Variants in ELAVL4 observed in about 807,000 individuals in gnomAD.
ELAVL4 encodes the protein ELAV-like protein 4.
Under a neutral mutation model 35.6 loss-of-function variants are expected in ELAVL4, and 1 was observed. That is an observed-to-expected ratio of 0.03 (90% CI 0.01 to 0.13). The LOEUF (loss-of-function observed/expected upper bound fraction) is 0.13, where lower values mean the gene tolerates loss of function less well. Among genes scored for constraint, ELAVL4 ranks in the 10% least tolerant of loss-of-function variants. The probability of loss-of-function intolerance (pLI) is 1.00; values close to 1 mark genes in which losing one functional copy is unlikely to be tolerated. For synonymous variants in ELAVL4, 156 were observed against 171.0 expected, an observed-to-expected ratio of 0.91 and a Z score of 0.69; for missense variants, 267 against 464.9, an observed-to-expected ratio of 0.57 and a Z score of 3.91.
intron 3 of ELAVL4, among the ~76,000 whole-genome samples, chr1:50,187,850 CTT>C (rs1241172297): frequency 6.6e-6 from 1 of 152,114 alleles, no homozygotes; most frequent in African/African-American, 2.4e-5. Context: ...AATCCCAGCA[CTT>C]TGAGAGGCTG....
At chr1:50,121,610 T>G (rs1019899373) in intron 1 of ELAVL4, among the ~76,000 whole-genome samples, 2 of 152,042 alleles carry the variant, frequency 1.3e-5, no homozygotes, top group Non-Finnish European at 2.9e-5. Flanking sequence ...CAGAAAAGTT[T>G]GAGAAATACT....
At chr1:50,110,409 C>T (rs1024865592) in intron 1 of ELAVL4, among the ~76,000 whole-genome samples, 1 of 152,100 alleles carries the variant, frequency 6.6e-6, no homozygotes. Flanking sequence ...AGATTCAGTA[C>T]CAGCCGATGC....
intron 1 of ELAVL4, among the ~76,000 whole-genome samples, chr1:50,087,432 A>G (rs2148502016): frequency 6.6e-6 from 1 of 152,326 alleles, no homozygotes; most frequent in Non-Finnish European, 1.5e-5. Flanking sequence ...GGCTATGTAC[A>G]ACAGACTATG....
intron 3 of ELAVL4, among the ~76,000 whole-genome samples, chr1:50,179,191 A>G (rs1680624942): frequency 6.6e-6 from 1 of 151,644 alleles, no homozygotes; most frequent in Non-Finnish European, 1.5e-5. Context: ...ACCCTGTATC[A>G]AAACGCTGCC....
At chr1:50,166,677 A>G (rs1239680507) in intron 2 of ELAVL4, among the ~76,000 whole-genome samples, 1 of 152,092 alleles carries the variant, frequency 6.6e-6, no homozygotes, top group African/African-American at 2.4e-5. Context: ...GTAGCTTCCC[A>G]TTGACCTTAA....
chr1:50,060,112 G>A (rs2148476289), intron 1 of ELAVL4, among the ~76,000 whole-genome samples: 1 of 152,294 alleles, frequency 6.6e-6, no homozygotes, highest in African/African-American at 2.4e-5. Context: ...TCTCAATAAA[G>A]TATTTTTCAA....
intron 2 of ELAVL4, among the ~76,000 whole-genome samples, chr1:50,173,085 G>A (rs1319108145): frequency 6.6e-6 from 1 of 152,070 alleles, no homozygotes; most frequent in Non-Finnish European, 1.5e-5. Context: ...TGGAGGACTG[G>A]TACAAATGCA....
chr1:50,119,314 A>G (rs2148583849), intron 1 of ELAVL4, among the ~76,000 whole-genome samples: 1 of 152,116 alleles, frequency 6.6e-6, no homozygotes, highest in African/African-American at 2.4e-5. Flanking sequence ...GAGGGACTTG[A>G]TTTTGGAGAA....
At chr1:50,077,224 T>G (rs991630984) in intron 1 of ELAVL4, among the ~76,000 whole-genome samples, 9 of 152,188 alleles carry the variant, frequency 5.9e-5, no homozygotes, top group African/African-American at 1.9e-4. Context: ...GGGAATTGGC[T>G]CACATGATTG....
intron 1 of ELAVL4, chr1:50,114,988 G>A (rs1360845630): frequency 2.0e-5 from 3 of 151,920 alleles, no homozygotes; most frequent in African/African-American, 4.8e-5. Context: ...AATAACTTAC[G>A]CAGTGTCAGG....
In ELAVL4 at chr1:50,090,232, A is replaced by G. The variant is rs1665428927; in HGVS notation, c.18+42050A>G. On this transcript the variant is annotated intron_variant, in intron 1 of 6. Transcript: ENST00000448907. ...ATCTATCTCAAGTTTGTTGTAAGCT[A>G]TAAATGAAACTCTCACATATAAAAA... 2.0e-5 allele frequency among the ~76,000 whole-genome samples: 3 copies of G among 152,220 alleles called. No homozygotes were observed. In the East Asian group the frequency reaches 5.8e-4, roughly 29 times the overall value.
intron 2 of ELAVL4, among the ~76,000 whole-genome samples, chr1:50,171,997 G>A (rs1679094318): frequency 6.6e-6 from 1 of 152,232 alleles, no homozygotes; most frequent in Non-Finnish European, 1.5e-5. Flanking sequence ...CAACTCAGAA[G>A]TTTTCAACAG....
At chr1:50,197,357 T>G (rs916705456) in intron 5 of ELAVL4, 72 bp from the exon 6 acceptor site, 10 of 1,433,602 alleles carry the variant, frequency 7.0e-6, no homozygotes, top group Non-Finnish European at 8.4e-6. Flanking sequence ...TGGAGCATTC[T>G]TATTAATAGT....
At chr1:50,053,803 G>A (rs1310381088) in intron 1 of ELAVL4, among the ~76,000 whole-genome samples, 1 of 152,160 alleles carries the variant, frequency 6.6e-6, no homozygotes. Context: ...CATAGAGCAC[G>A]TTAGACAGTT....
At chr1:50,083,093 C>G (rs931493203) in intron 1 of ELAVL4, among the ~76,000 whole-genome samples, 2 of 152,094 alleles carry the variant, frequency 1.3e-5, no homozygotes, top group Admixed American at 1.3e-4. Context: ...GAGTCTCACT[C>G]TCACTCAGGC....
At chr1:50,083,652 CA>C (rs1665107725) in intron 1 of ELAVL4, among the ~76,000 whole-genome samples, 1 of 152,040 alleles carries the variant, frequency 6.6e-6, no homozygotes, top group South Asian at 2.1e-4. Context: ...ACTCCATATT[CA>C]AAAAAGTAAG....
intron 6 of ELAVL4, among the ~76,000 whole-genome samples, chr1:50,199,334 C>A (rs1000636580): frequency 6.6e-6 from 1 of 152,188 alleles, no homozygotes; most frequent in Non-Finnish European, 1.5e-5. Context: ...CATGCTCTTC[C>A]CTAGTTTTTG....
intron 1 of ELAVL4, among the ~76,000 whole-genome samples, chr1:50,064,234 A>G (rs1664148648): frequency 6.6e-6 from 1 of 152,110 alleles, no homozygotes; most frequent in Non-Finnish European, 1.5e-5. Flanking sequence ...GGTATTGAGA[A>G]CAGAAAGAAA....
chr1:50,163,644 T>C (rs1165868641), intron 2 of ELAVL4, among the ~76,000 whole-genome samples: 1 of 152,030 alleles, frequency 6.6e-6, no homozygotes, highest in Non-Finnish European at 1.5e-5. Flanking sequence ...TGGCCAACAT[T>C]GCAAAATCTC....
Sources: gnomAD v4.1 joint callset for allele counts (sites outside exome capture counted in the v4.1 genomes callset) on GRCh38, gnomAD v4.1.1 for gene constraint, MANE v1.5 for transcripts, NCBI Gene and HGNC (gene_info 2026-07-23, HGNC 2026-07-21) for gene names.